Variants in AUTS2 observed in about 807,000 individuals in gnomAD.
AUTS2 encodes the protein autism susceptibility gene 2 protein.
A neutral mutation model predicts 112.4 loss-of-function variants in AUTS2; 17 were observed. The ratio of observed to expected loss-of-function variants is 0.15; its 90% CI spans 0.10 to 0.23. The LOEUF (loss-of-function observed/expected upper bound fraction) is 0.23, where lower values mean the gene tolerates loss of function less well. AUTS2 is among the 10% of genes least tolerant of loss of function. The pLI is 1.00. For synonymous variants in AUTS2, 751 were observed against 702.7 expected, an observed-to-expected ratio of 1.07 and a Z score of -1.09; for missense variants, 1,510 against 1,701.6, an observed-to-expected ratio of 0.89 and a Z score of 1.98.
intron 5 of AUTS2, among the ~76,000 whole-genome samples, chr7:70,577,111 A>G (rs1012991261): frequency 6.6e-6 from 1 of 152,234 alleles, no homozygotes; most frequent in South Asian, 2.1e-4. Flanking sequence ...TTAGTGTGCT[A>G]TGTGTTGTTT....
At chr7:70,092,566 A>G (rs1220313479) in intron 2 of AUTS2, among the ~76,000 whole-genome samples, 2 of 152,068 alleles carry the variant, frequency 1.3e-5, no homozygotes, top group African/African-American at 4.8e-5. Flanking sequence ...GGACAACCCC[A>G]GAGTAGTGAC....
intron 2 of AUTS2, among the ~76,000 whole-genome samples, chr7:69,939,238 A>T (rs1470343415): frequency 6.6e-6 from 1 of 152,156 alleles, no homozygotes; most frequent in African/African-American, 2.4e-5. Context: ...CAAGAAGTAA[A>T]ATTCAATCAT....
At chr7:70,028,314 C>A (rs1336856905) in intron 2 of AUTS2, among the ~76,000 whole-genome samples, 1 of 152,170 alleles carries the variant, frequency 6.6e-6, no homozygotes, top group Non-Finnish European at 1.5e-5. Context: ...GTCACCCTGG[C>A]AGTTTCATAA....
intron 6 of AUTS2, among the ~76,000 whole-genome samples, chr7:70,760,294 C>T (rs868538648): frequency 1.6e-4 from 25 of 152,330 alleles, no homozygotes; most frequent in East Asian, 3.9e-4. Context: ...CGTGAGCCAC[C>T]GCACCCGGCC....
intron 6 of AUTS2, among the ~76,000 whole-genome samples, chr7:70,717,454 C>T (rs1431425689): frequency 2.6e-5 from 4 of 152,140 alleles, no homozygotes; most frequent in African/African-American, 7.2e-5. Flanking sequence ...CCCAAAGCAT[C>T]GAGCTCCTGG....
At chr7:70,461,159 G>A (rs377742842) in intron 5 of AUTS2, among the ~76,000 whole-genome samples, 2 of 152,216 alleles carry the variant, frequency 1.3e-5, no homozygotes, top group South Asian at 2.1e-4. Context: ...AAGAGTGTTG[G>A]AAAAGTCACC....
At chr7:70,291,004 C>T (rs1788683679) in intron 4 of AUTS2, 1 of 152,520 alleles carries the variant, frequency 6.6e-6, no homozygotes, top group Non-Finnish European at 1.5e-5. Context: ...TGTAAAACCA[C>T]ATATGTATCT....
chr7:70,572,787 T>C (rs1409767025), intron 5 of AUTS2, among the ~76,000 whole-genome samples: 16 of 152,174 alleles, frequency 1.1e-4, no homozygotes, highest in Non-Finnish European at 1.5e-5. Context: ...CCACGGGCAC[T>C]GTTGGGGATT....
At chr7:70,381,303 G>T (rs1793357460) in intron 4 of AUTS2, among the ~76,000 whole-genome samples, 1 of 152,168 alleles carries the variant, frequency 6.6e-6, no homozygotes, top group Non-Finnish European at 1.5e-5. Flanking sequence ...ACATGGACAT[G>T]TCTTATATCT....
intron 5 of AUTS2, among the ~76,000 whole-genome samples, chr7:70,629,515 C>T (rs573663269): frequency 1.3e-5 from 2 of 152,118 alleles, no homozygotes; most frequent in Admixed American, 1.3e-4. Context: ...TAAAAGCCAG[C>T]CCTTCTGTGG....
At chr7:70,301,573 G>A (rs541274245) in intron 4 of AUTS2, among the ~76,000 whole-genome samples, 2 of 152,202 alleles carry the variant, frequency 1.3e-5, no homozygotes, top group South Asian at 4.1e-4. Flanking sequence ...GGGATTTTGT[G>A]GTGTTCTTTC....
intron 2 of AUTS2, among the ~76,000 whole-genome samples, chr7:69,918,278 T>C (rs2129542554): frequency 6.6e-6 from 1 of 152,316 alleles, no homozygotes; most frequent in South Asian, 2.1e-4. Flanking sequence ...TTCAAAAACG[T>C]AAAAAAGATC....
intron 1 of AUTS2, among the ~76,000 whole-genome samples, chr7:69,812,250 A>G (rs1219045003): frequency 6.6e-6 from 1 of 152,174 alleles, no homozygotes; most frequent in Non-Finnish European, 1.5e-5. Flanking sequence ...ACTCTCCAGC[A>G]TCATAATTAG....
intron 4 of AUTS2, among the ~76,000 whole-genome samples, chr7:70,235,958 C>T (rs117024497): frequency 6.6e-6 from 1 of 152,300 alleles, no homozygotes; most frequent in East Asian, 1.9e-4. Flanking sequence ...CCCTCTTTGA[C>T]CACCCTCTGT....
intron 1 of AUTS2, among the ~76,000 whole-genome samples, chr7:69,886,431 A>G (rs1428372420): frequency 6.6e-6 from 1 of 152,216 alleles, no homozygotes; most frequent in Admixed American, 6.5e-5. Context: ...GGACTGCCTC[A>G]CATATATACA....
chr7:69,610,391 C>G (rs562771526), intron 1 of AUTS2, among the ~76,000 whole-genome samples: 1 of 152,136 alleles, frequency 6.6e-6, no homozygotes, highest in African/African-American at 2.4e-5. Flanking sequence ...TGGTGTAAAT[C>G]GAATTTTTGT....
chr7:70,578,918 T>C (rs368052150), intron 5 of AUTS2, among the ~76,000 whole-genome samples: 72 of 136,942 alleles, frequency 5.3e-4, no homozygotes, highest in Middle Eastern at 7.8e-3. Context: ...CTTTCTTTTT[T>C]TTTCTTTCTT....
At chr7:69,836,789 A>G (rs756717345) in intron 1 of AUTS2, among the ~76,000 whole-genome samples, 4 of 152,192 alleles carry the variant, frequency 2.6e-5, no homozygotes, top group Admixed American at 6.5e-5. Context: ...CACAGTAACA[A>G]TGATACTAGC....
intron 2 of AUTS2, among the ~76,000 whole-genome samples, chr7:70,067,646 G>C (rs886536640): frequency 1.3e-5 from 2 of 152,140 alleles, no homozygotes; most frequent in African/African-American, 4.8e-5. Flanking sequence ...AGGAGTTCAA[G>C]ACCAGTCTGG....
Sources: allele counts gnomAD v4.1 joint callset (sites outside exome capture counted in the v4.1 genomes callset), GRCh38; gene constraint gnomAD v4.1.1; transcripts MANE v1.5; gene names NCBI Gene and HGNC (gene_info 2026-07-23, HGNC 2026-07-21).